Variants in GLP2R observed in about 807,000 individuals in gnomAD.
The protein encoded by GLP2R is glucagon like peptide 2 receptor.
In GLP2R, 59 loss-of-function variants were observed where a neutral mutation model predicts 68.2. That is an observed-to-expected ratio of 0.87 (90% CI 0.70 to 1.07). GLP2R has a LOEUF of 1.07. GLP2R is among the 50% of genes least tolerant of loss of function. GLP2R has a pLI of 0.00. For synonymous variants in GLP2R, 270 were observed against 265.4 expected (o/e 1.02, Z -0.17); for missense variants, 548 against 677.4 (o/e 0.81, Z 2.12).
intron 9 of GLP2R, among the ~76,000 whole-genome samples, chr17:9,868,138 A>ATG (rs1453136222): frequency 2.0e-5 from 3 of 152,200 alleles, no homozygotes; most frequent in African/African-American, 7.2e-5. Context: ...GAATGAATGA[A>ATG]AGGAGAAAGG....
intron 9 of GLP2R, among the ~76,000 whole-genome samples, chr17:9,864,018 G>C (rs2067010702): frequency 6.6e-6 from 1 of 152,206 alleles, no homozygotes; most frequent in African/African-American, 2.4e-5. Flanking sequence ...GCATGGTCCA[G>C]CTGGATCCCT....
At chr17:9,871,624 G>A (rs1289154607) in intron 10 of GLP2R, among the ~76,000 whole-genome samples, 1 of 151,754 alleles carries the variant, frequency 6.6e-6, no homozygotes, top group Non-Finnish European at 1.5e-5. Flanking sequence ...CAGATCATAG[G>A]TATTTATTAG....
At chr17:9,835,719 C>T (rs141311030) in intron 2 of GLP2R, among the ~76,000 whole-genome samples, 2,050 of 152,142 alleles carry the variant, frequency 0.013, 21 homozygotes, top group Middle Eastern at 0.02. Context: ...CAAGAGTCCT[C>T]CTGTCCCCAA....
Position 9,891,073 on chromosome 17 carries a change from T to C in GLP2R, c.*1368T>C, listed in dbSNP as rs1341475593. On this transcript the variant is annotated 3_prime_UTR_variant, in exon 13 of 13. Coordinates refer to ENST00000262441, the MANE Select transcript of GLP2R (RefSeq NM_004246.3). ...GTTGCTATGGGACTAAATACCACCTTGTCTTCGGGGGAGTCAGTTTGATAC... is the reference window on the plus strand; with the variant it reads ...GTTGCTATGGGACTAAATACCACCTCGTCTTCGGGGGAGTCAGTTTGATAC... 6.6e-6 allele frequency: 1 copy of C among 152,214 alleles called. No homozygotes were observed. Among genetic ancestry groups the C allele is most frequent in the East Asian group, 1.9e-4 (1 of 5,204 alleles). 9.4% of individuals were successfully genotyped at this position (152,214 alleles called of 1,614,324 possible).
intron 2 of GLP2R, 26 bp downstream of exon 2, chr17:9,833,920 G>C: frequency 7.0e-7 from 1 of 1,434,684 alleles, no homozygotes; most frequent in Non-Finnish European, 9.8e-7. Context: ...AGTTATCCGT[G>C]GCTGTGTAAC....
At chr17:9,885,148 T>TTTATTA (rs3073992) in intron 11 of GLP2R, among the ~76,000 whole-genome samples, 15,667 of 143,220 alleles carry the variant, frequency 0.11, 908 homozygotes, top group South Asian at 0.15. Context: ...TAGTAACCAT[T>TTTATTA]TTATTATTAT....
intron 5 of GLP2R, among the ~76,000 whole-genome samples, chr17:9,855,984 T>C (rs939061719): frequency 6.6e-6 from 1 of 152,182 alleles, no homozygotes; most frequent in Non-Finnish European, 1.5e-5. Flanking sequence ...AATGAGCATT[T>C]GACATAGGTG....
At chr17:9,826,468 C>T (rs1318384488) in intron 1 of GLP2R, among the ~76,000 whole-genome samples, 1 of 151,904 alleles carries the variant, frequency 6.6e-6, no homozygotes, top group East Asian at 1.9e-4. Flanking sequence ...TTTTTTACAA[C>T]AGCTGATATT....
chr17:9,861,970 C>A, intron 8 of GLP2R, 51 bp from the exon 9 acceptor site: 2 of 1,274,190 alleles, frequency 1.6e-6, no homozygotes, highest in Non-Finnish European at 2.3e-6. Context: ...TGACTTTCAA[C>A]CTCCTCTTGT....
In GLP2R at chr17:9,880,429, C is replaced by A; in HGVS notation, c.1197C>A (p.Ile399=). ...VLIPLLGVHE[I]LFSFITDDQV... is the part of the protein sequence containing the mutation. ...TTCCTTTATTGGGCGTTCATGAGAT[C>A]CTCTTCTCTTTCATCACTGATGATC... Residue 399 remains isoleucine (I), a synonymous_variant, in exon 11 of 13, where the codon ATC becomes ATA. Coordinates refer to ENST00000262441, the MANE Select transcript of GLP2R (RefSeq NM_004246.3). 6.2e-7 allele frequency: 1 copy of A among 1,601,056 alleles called. No individual in the cohort carries two copies. The highest frequency in any genetic ancestry group is 1.7e-5 in the Admixed American group (1 of 59,486).
rs1270646031 is a variant in GLP2R at position 9,859,936 on chromosome 17, C to T, written c.766-6C>T. The T allele has an allele frequency of 6.3e-7, 1 of 1,579,512 alleles. No homozygotes were observed. Among genetic ancestry groups the T allele is most frequent in the Non-Finnish European group, 8.6e-7 (1 of 1,159,722 alleles). On this transcript the variant is annotated splice_polypyrimidine_tract_variant and splice_region_variant and intron_variant, in intron 6 of 12. Coordinates refer to ENST00000262441, the MANE Select transcript of GLP2R (RefSeq NM_004246.3). ...GACTCACCCTCAGGTGTTTTTTCCT[C>T]TGCAGATGTCCACCTCCTGCCGCTC...
chr17:9,864,861 C>T (rs2067020577), intron 9 of GLP2R, among the ~76,000 whole-genome samples: 1 of 152,186 alleles, frequency 6.6e-6, no homozygotes, highest in Non-Finnish European at 1.5e-5. Flanking sequence ...ATCCTAGTGG[C>T]TAGAACTACT....
chr17:9,874,972 C>T (rs974767661), intron 10 of GLP2R, among the ~76,000 whole-genome samples: 2 of 152,208 alleles, frequency 1.3e-5, no homozygotes, highest in African/African-American at 4.8e-5. Context: ...GCACTGAGAA[C>T]GTCCTCCCTC....
intron 11 of GLP2R, among the ~76,000 whole-genome samples, chr17:9,884,745 A>G (rs1831721006): frequency 1.3e-5 from 2 of 152,188 alleles, no homozygotes; most frequent in African/African-American, 2.4e-5. Flanking sequence ...GAGGATCCAT[A>G]AGCAATTTTT....
chr17:9,867,220 A>T (rs549121273), intron 9 of GLP2R, among the ~76,000 whole-genome samples: 2 of 152,334 alleles, frequency 1.3e-5, no homozygotes, highest in Admixed American at 1.3e-4. Flanking sequence ...GGGACCAAGG[A>T]GAGTGTCCCA....
At chr17:9,856,379 G>C (rs1214436520) in intron 5 of GLP2R, among the ~76,000 whole-genome samples, 1 of 151,002 alleles carries the variant, frequency 6.6e-6, no homozygotes, top group Non-Finnish European at 1.5e-5. Flanking sequence ...AGAAGAATGT[G>C]TAAATCCTAA....
At chr17:9,870,883 A>G (rs781681882) in intron 10 of GLP2R, 48 bp downstream of exon 10, 1 of 867,354 alleles carries the variant, frequency 1.2e-6, no homozygotes, top group South Asian at 1.4e-5. Context: ...TATTGTAAGT[A>G]CTCTGGCTGT....
At chr17:9,888,830 A>G (rs1245074303) in intron 12 of GLP2R, among the ~76,000 whole-genome samples, 1 of 152,160 alleles carries the variant, frequency 6.6e-6, no homozygotes, top group Non-Finnish European at 1.5e-5. Context: ...TCCCTGGGAA[A>G]AGATTTGACA....
rs1240125019 is a variant in GLP2R at position 9,881,601 on chromosome 17, C to T, written c.1284+1085C>T. Among the ~76,000 whole-genome samples the T allele has an allele frequency of 7.4e-5, 10 of 135,564 alleles. 1 individual carries two copies. The East Asian group carries it at 7.7e-4, about 10-fold the overall frequency. 88.9% of individuals were successfully genotyped at this position (135,564 alleles called of 152,430 possible). Reference sequence around the variant, plus strand: ...TTCACCGTTTTAGCCGGGATGGTCTCGATCTCCTGACCTCGTGATCCGCCC... The same window carrying T: ...TTCACCGTTTTAGCCGGGATGGTCTTGATCTCCTGACCTCGTGATCCGCCC... On this transcript the variant is annotated intron_variant, in intron 11 of 12. Coordinates refer to ENST00000262441, the MANE Select transcript of GLP2R (RefSeq NM_004246.3).
Sources: gnomAD v4.1 joint callset for allele counts (sites outside exome capture counted in the v4.1 genomes callset) on GRCh38, gnomAD v4.1.1 for gene constraint, MANE v1.5 for transcripts, NCBI Gene and HGNC (gene_info 2026-07-23, HGNC 2026-07-21) for gene names.